EBF3: variants seen among roughly 807,000 people sequenced by gnomAD.
The protein encoded by EBF3 is transcription factor COE3.
EBF3 carries 18 observed loss-of-function variants against 77.1 expected under a neutral mutation model. The ratio of observed to expected loss-of-function variants is 0.23; its 90% confidence interval spans 0.16 to 0.35. The LOEUF (loss-of-function observed/expected upper bound fraction) is 0.35, where lower values mean the gene tolerates loss of function less well. Among genes scored for constraint, EBF3 ranks in the 10% least tolerant of loss-of-function variants. The probability of loss-of-function intolerance (pLI) is 1.00; values close to 1 mark genes in which losing one functional copy is unlikely to be tolerated. For synonymous variants in EBF3, 350 were observed against 343.5 expected, an observed-to-expected ratio of 1.02 and a Z score of -0.21; for missense variants, 558 against 860.0, an observed-to-expected ratio of 0.65 and a Z score of 4.39.
Position 129,938,331 on chromosome 10 carries a change from G to A in EBF3, c.554+18927C>T, listed in dbSNP as rs899441659. On this transcript the variant is annotated intron_variant, in intron 6 of 16. Coordinates refer to ENST00000440978, the MANE Select transcript of EBF3 (RefSeq NM_001375380.1). The surrounding 1 kb of genome is among the most constrained non-coding windows in gnomAD (Gnocchi z 5.1). ...AAGGGAGGCAGATCACTTGAGCTCA[G>A]GAGTTCAACACCAGCCTGGGCAACA... 6.7e-6 allele frequency among the ~76,000 whole-genome samples: 1 copy of A among 150,254 alleles called. No individual in the cohort carries two copies. Among genetic ancestry groups the A allele is most frequent in the Non-Finnish European group, 1.5e-5 (1 of 67,848 alleles).
intron 6 of EBF3, among the ~76,000 whole-genome samples, chr10:129,881,829 G>C (rs746762991): frequency 6.6e-6 from 1 of 152,172 alleles, no homozygotes; most frequent in African/African-American, 2.4e-5. Flanking sequence ...TAGAAATCCC[G>C]AGGCCCTCAT....
rs80263055 is a variant in EBF3, at chr10:129,864,176, C to T, written c.1039+2965G>A. 1.3e-3 allele frequency among the ~76,000 whole-genome samples: 199 copies of T among 152,248 alleles called. 1 individual carries two copies. In the East Asian group the frequency reaches 0.033, roughly 25 times the overall value. On this transcript the variant is annotated intron_variant, in intron 10 of 16. Transcript: ENST00000440978. The surrounding 1 kb of genome is among the most constrained non-coding windows in gnomAD (Gnocchi z 4.4). ...GGATATCCCTGGCCAAGGAAGGCATCCTACCTGGCTGGAGGGCAACAGGAA... is the reference window on the plus strand; with the variant it reads ...GGATATCCCTGGCCAAGGAAGGCATTCTACCTGGCTGGAGGGCAACAGGAA...
intron 6 of EBF3, 55 bp from the exon 7 acceptor site, chr10:129,877,904 A>C: frequency 7.0e-7 from 1 of 1,429,752 alleles, no homozygotes; most frequent in East Asian, 2.4e-5. Context: ...AAAAGACTCA[A>C]ACTTTTTAAA....
intron 6 of EBF3, among the ~76,000 whole-genome samples, chr10:129,939,642 G>A (rs1857593207): frequency 6.6e-6 from 1 of 152,144 alleles, no homozygotes; most frequent in Non-Finnish European, 1.5e-5. Flanking sequence ...GCCACCCCGG[G>A]GCCATCATTC....
intron 7 of EBF3, among the ~76,000 whole-genome samples, chr10:129,875,184 C>CTTTTTTTTTTTTTTTTTTTTTTTTTTT (rs1564846069): frequency 8.5e-6 from 1 of 117,624 alleles, no homozygotes. Context: ...GTGATGGCTT[C>CTTTTTTTTTTTTTTTTTTTTTTTTTTT]TTCTTTTTTT....
intron 6 of EBF3, among the ~76,000 whole-genome samples, chr10:129,902,622 G>A (rs1455563370): frequency 1.3e-5 from 2 of 152,124 alleles, no homozygotes; most frequent in African/African-American, 4.8e-5. Context: ...CTCTGCCACT[G>A]TCAGGTCTTA....
chr10:129,884,614 G>A (rs369596124), intron 6 of EBF3, among the ~76,000 whole-genome samples: 7 of 152,184 alleles, frequency 4.6e-5, no homozygotes, highest in South Asian at 2.1e-4. Flanking sequence ...GGCAGAGGGC[G>A]GCAAGCTTGA....
Position 129,842,352 on chromosome 10 carries a change from A to G in EBF3, c.1195-59T>C. On this transcript the variant is annotated intron_variant, in intron 12 of 16. Coordinates refer to ENST00000440978, the MANE Select transcript of EBF3 (RefSeq NM_001375380.1). This position sits in a 1 kb window ranked among gnomAD's most constrained non-coding sequence, Gnocchi z 4.4. ...CCCCAGGCCCGGCCCAGCTGGCCGC[A>G]CTCTCGGGGGCCCACCATGGTGGCA... 1.7e-5 allele frequency: 25 copies of G among 1,475,840 alleles called. No individual in the cohort carries two copies. Among genetic ancestry groups the G allele is most frequent in the South Asian group, 5.7e-5 (4 of 69,604 alleles). The allele number at this position is 1,475,840 out of a possible 1,614,324, so 91.4% of individuals were successfully genotyped here.
rs199967170 is a variant in EBF3 at position 129,867,824 on chromosome 10, G to A, written c.870C>T (p.Asp290=). 1.1e-5 allele frequency: 17 copies of A among 1,614,120 alleles called. No homozygotes were observed. Among genetic ancestry groups the A allele is most frequent in the South Asian group, 6.6e-5 (6 of 91,096 alleles). Residue 290 remains aspartate (D), a synonymous_variant, in exon 9 of 17, where the codon GAC becomes GAT. Coordinates refer to ENST00000440978, the MANE Select transcript of EBF3 (RefSeq NM_001375380.1). ...TAGTTCCGAATACAACTTGCAGCCC[G>A]TCAAAGAAGTTGTCGCCAATTATGA... is the stretch of plus-strand genomic sequence containing the variant. ...TVIIIGDNFF[D]GLQVVFGTML... is the part of the protein sequence containing the mutation.
intron 6 of EBF3, among the ~76,000 whole-genome samples, chr10:129,899,128 C>T (rs1347141847): frequency 6.6e-6 from 1 of 152,234 alleles, no homozygotes; most frequent in African/African-American, 2.4e-5. Flanking sequence ...GTCAGAAATC[C>T]GCGCTGCCTT....
chr10:129,888,540 T>G (rs1853779952), intron 6 of EBF3, among the ~76,000 whole-genome samples: 2 of 152,134 alleles, frequency 1.3e-5, no homozygotes, highest in Admixed American at 6.5e-5. Flanking sequence ...TGCGCTTTTG[T>G]GGAGGAAAGA....
At chr10:129,924,430 C>CAAAAA (rs956215243) in intron 6 of EBF3, among the ~76,000 whole-genome samples, 8 of 108,446 alleles carry the variant, frequency 7.4e-5, no homozygotes, top group African/African-American at 2.1e-4. Flanking sequence ...ACAACAACAA[C>CAAAAA]AAAAAAAAAA....
intron 4 of EBF3, among the ~76,000 whole-genome samples, chr10:129,960,059 G>C (rs1234543486): frequency 6.6e-6 from 1 of 151,668 alleles, no homozygotes; most frequent in Non-Finnish European, 1.5e-5. Context: ...TGGGGATCGG[G>C]AGCCGCCCGC....
At chr10:129,915,355 G>A (rs968066305) in intron 6 of EBF3, among the ~76,000 whole-genome samples, 1 of 152,116 alleles carries the variant, frequency 6.6e-6, no homozygotes, top group Non-Finnish European at 1.5e-5. Context: ...GGGGAGCAGT[G>A]AGAAACCTCA....
chr10:129,909,760 CA>C (rs1458377332), intron 6 of EBF3, among the ~76,000 whole-genome samples: 3 of 152,200 alleles, frequency 2.0e-5, no homozygotes, highest in Non-Finnish European at 1.5e-5. Flanking sequence ...CGTCAGCCGC[CA>C]AGGCCCTGGG....
At chr10:129,852,424 CA>C (rs1237219687) in intron 10 of EBF3, among the ~76,000 whole-genome samples, 1 of 152,180 alleles carries the variant, frequency 6.6e-6, no homozygotes, top group African/African-American at 2.4e-5. Context: ...CGCTGAGCTG[CA>C]GCTGGGGCCA....
Position 129,879,882 on chromosome 10 carries a change from C to G in EBF3, c.555-2033G>C, listed in dbSNP as rs374503151. Among the ~76,000 whole-genome samples the G allele has an allele frequency of 5.9e-5, 9 of 152,194 alleles. 1 individual carries two copies. The East Asian group carries it at 1.2e-3, about 20-fold the overall frequency. On this transcript the variant is annotated intron_variant, in intron 6 of 16. Coordinates refer to ENST00000440978, the MANE Select transcript of EBF3 (RefSeq NM_001375380.1). This position sits in a 1 kb window ranked among gnomAD's most constrained non-coding sequence, Gnocchi z 4.7. The stretch of plus-strand genomic sequence containing the variant: ...GGCAATTAGGTTTTCACTTCGGGGA[C>G]AGCAACACGGTGCAATTACACCACA...
chr10:129,875,187 CTTTTTTTTTTTTTT>C (rs1193539598), intron 7 of EBF3, among the ~76,000 whole-genome samples: 13 of 92,932 alleles, frequency 1.4e-4, no homozygotes, highest in African/African-American at 4.9e-4. Context: ...ATGGCTTCTT[CTTTTTTTTTTTTTT>C]TTTTTTTTTT....
chr10:129,927,781 T>C (rs1249451317), intron 6 of EBF3, among the ~76,000 whole-genome samples: 1 of 152,134 alleles, frequency 6.6e-6, no homozygotes, highest in East Asian at 1.9e-4. Context: ...CCCTGCTCAG[T>C]TATTTGAGGA....
Sources: gnomAD v4.1 joint callset for allele counts (sites outside exome capture counted in the v4.1 genomes callset) on GRCh38, gnomAD v4.1.1 for gene constraint, Gnocchi (gnomAD v3.1) non-coding constraint, MANE v1.5 for transcripts, NCBI Gene and HGNC (gene_info 2026-07-23, HGNC 2026-07-21) for gene names.